USP13: variants seen among roughly 807,000 people sequenced by gnomAD.
USP13 encodes the protein ubiquitin carboxyl-terminal hydrolase 13.
USP13 carries 68 observed loss-of-function variants against 107.8 expected under a neutral mutation model. The observed-to-expected ratio is 0.63, with a 90% CI of 0.52 to 0.77. The LOEUF (loss-of-function observed/expected upper bound fraction) is 0.77. USP13 is among the 30% of genes least tolerant of loss of function. The probability of loss-of-function intolerance (pLI) is 0.00; values close to 1 mark genes in which losing one functional copy is unlikely to be tolerated. For synonymous variants in USP13, 377 were observed against 389.5 expected, an observed-to-expected ratio of 0.97 and a Z score of 0.38; for missense variants, 945 against 1,093.3, an observed-to-expected ratio of 0.86 and a Z score of 1.91.
At chr3:179,774,225 T>A (rs1053849589) in intron 19 of USP13, among the ~76,000 whole-genome samples, 56 of 152,272 alleles carry the variant, frequency 3.7e-4, no homozygotes, top group Middle Eastern at 6.8e-3. Flanking sequence ...ACTCACTTAT[T>A]ACCAGGAGAG....
intron 1 of USP13, among the ~76,000 whole-genome samples, chr3:179,663,951 G>T (rs1720519507): frequency 2.6e-5 from 4 of 152,194 alleles, no homozygotes; most frequent in Admixed American, 2.0e-4. Flanking sequence ...AGCTGAGTTA[G>T]ATATCTGTTT....
intron 1 of USP13, among the ~76,000 whole-genome samples, chr3:179,668,512 A>G (rs1720650954): frequency 6.6e-6 from 1 of 151,964 alleles, no homozygotes; most frequent in Admixed American, 6.6e-5. Flanking sequence ...TTTACTGGTG[A>G]CCTGTTTGGT....
In USP13 at chr3:179,653,930, A is replaced by T. The variant is rs1720172819; in HGVS notation, c.168+537A>T. ...TTCTTGTCTTTAGAATGTCAGGGCC[A>T]GGCGCGGTGGCTCACGTCTGAAATC... On this transcript the variant is annotated intron_variant, in intron 1 of 20. Transcript: ENST00000263966. The surrounding 1 kb of genome is among the most constrained non-coding windows in gnomAD (Gnocchi z 4.0). Among the ~76,000 whole-genome samples, 1 of 152,130 alleles carries T rather than the reference A, an allele frequency of 6.6e-6. No homozygotes were observed. The highest frequency in any genetic ancestry group is 1.5e-5 in the Non-Finnish European group (1 of 68,016).
intron 10 of USP13, among the ~76,000 whole-genome samples, chr3:179,735,909 G>A (rs182163106): frequency 2.1e-4 from 32 of 152,168 alleles, no homozygotes; most frequent in Non-Finnish European, 3.1e-4. Context: ...GCACAGTGGC[G>A]TGTGTCTGTA....
intron 13 of USP13, among the ~76,000 whole-genome samples, chr3:179,748,899 A>T (rs543125603): frequency 1.3e-5 from 2 of 152,196 alleles, no homozygotes; most frequent in Admixed American, 6.5e-5. Context: ...ACTGGGGATA[A>T]TAATGGTACT....
intron 8 of USP13, among the ~76,000 whole-genome samples, chr3:179,725,708 A>G (rs1332345103): frequency 2.0e-5 from 3 of 152,222 alleles, no homozygotes; most frequent in Non-Finnish European, 2.9e-5. Context: ...ACATAAATGT[A>G]TTCATTGAAC....
chr3:179,679,816 T>G (rs1711585325), intron 1 of USP13, among the ~76,000 whole-genome samples: 1 of 135,338 alleles, frequency 7.4e-6, no homozygotes, highest in South Asian at 2.4e-4. Context: ...TTTTTTTTTT[T>G]TTTTTGATAC....
intron 10 of USP13, among the ~76,000 whole-genome samples, chr3:179,734,804 A>G (rs1713930399): frequency 6.6e-6 from 1 of 152,258 alleles, no homozygotes; most frequent in Non-Finnish European, 1.5e-5. Flanking sequence ...TTTTAGGGAC[A>G]GGCAGACATG....
intron 14 of USP13, among the ~76,000 whole-genome samples, chr3:179,754,144 CT>C (rs912394891): frequency 2.2e-4 from 33 of 152,146 alleles, no homozygotes; most frequent in African/African-American, 7.7e-4. Flanking sequence ...AGCTAGCTAT[CT>C]TGGTCTTGCT....
chr3:179,756,956 G>C, intron 15 of USP13, 96 bp from the exon 16 acceptor site: 1 of 1,292,180 alleles, frequency 7.7e-7, no homozygotes, highest in South Asian at 1.2e-5. Context: ...GGAGTGGGGA[G>C]GGCATTGGAA....
rs150977876 is a variant in USP13, at chr3:179,655,548, G to GTTTT, written c.168+2160_168+2163dup. Reference sequence around the variant, plus strand: ...AAGCACAGTGCGTGATAATGGGAAGGTTTTTTTTGTTTTGTTTTGTTTTTT... The same window carrying GTTTT: ...AAGCACAGTGCGTGATAATGGGAAGGTTTTTTTTTTTTGTTTTGTTTTGTTTTTT... On this transcript the variant is annotated intron_variant, in intron 1 of 20. Transcript: ENST00000263966. 6.6e-3 allele frequency among the ~76,000 whole-genome samples: 859 copies of GTTTT among 130,828 alleles called. 62 individuals carry two copies. The highest frequency in any genetic ancestry group is 0.027 in the African/African-American group (804 of 29,406). 85.8% of individuals were successfully genotyped at this position (130,828 alleles called of 152,430 possible). A position where few individuals can be genotyped will look rare whatever the true frequency, so the allele number is the denominator to read the frequency against.
At chr3:179,783,733 T>C (rs1715824199) in intron 20 of USP13, among the ~76,000 whole-genome samples, 1 of 152,126 alleles carries the variant, frequency 6.6e-6, no homozygotes, top group African/African-American at 2.4e-5. Context: ...CTGGGTATGA[T>C]GGCATGTGCC....
At chr3:179,658,721 G>C (rs182334088) in intron 1 of USP13, among the ~76,000 whole-genome samples, 127 of 152,256 alleles carry the variant, frequency 8.3e-4, no homozygotes, top group African/African-American at 2.9e-3. Context: ...TTGAGATGGA[G>C]CTGGGGAGAG....
chr3:179,686,112 A>G (rs1576924711), intron 2 of USP13, among the ~76,000 whole-genome samples: 1 of 152,120 alleles, frequency 6.6e-6, no homozygotes, highest in South Asian at 2.1e-4. Context: ...TGCCCAGCAA[A>G]CCTTCTAGTC....
At position 179,730,076 on chromosome 3, in the gene USP13, A is replaced by G; in HGVS notation, c.1089-113A>G. ...TCATGAAAAACTTTTCTTCAGGTAGATTGTTTAGTTTGACAAAGGGGCAAG... is the reference window on the plus strand; with the variant it reads ...TCATGAAAAACTTTTCTTCAGGTAGGTTGTTTAGTTTGACAAAGGGGCAAG... On this transcript the variant is annotated intron_variant, in intron 8 of 20. Transcript: ENST00000263966. The G allele has an allele frequency of 4.3e-6, 4 of 940,436 alleles. No homozygotes were observed. The South Asian group carries it at 4.6e-5, about 11-fold the overall frequency. 58.3% of individuals were successfully genotyped at this position (940,436 alleles called of 1,614,324 possible). A position where few individuals can be genotyped will look rare whatever the true frequency, so the allele number is the denominator to read the frequency against.
intron 15 of USP13, among the ~76,000 whole-genome samples, chr3:179,756,126 C>G (rs1455012360): frequency 6.6e-6 from 1 of 152,158 alleles, no homozygotes; most frequent in Non-Finnish European, 1.5e-5. Context: ...ATACAGAGAT[C>G]TTAGAAATAC....
At chr3:179,750,326 G>GTGTGTGTATATATATATATATATATATA (rs1553797370) in intron 13 of USP13, among the ~76,000 whole-genome samples, 2 of 75,848 alleles carry the variant, frequency 2.6e-5, no homozygotes, top group East Asian at 7.7e-4. Flanking sequence ...ATATATGTGT[G>GTGTGTGTATATATATATATATATATATA]TATATATATA....
intron 6 of USP13, among the ~76,000 whole-genome samples, chr3:179,710,349 A>G (rs1385913850): frequency 1.3e-5 from 2 of 152,204 alleles, no homozygotes; most frequent in South Asian, 4.1e-4. Flanking sequence ...TTTGCAATGT[A>G]GGAATTCTGT....
intron 14 of USP13, among the ~76,000 whole-genome samples, chr3:179,753,939 G>A (rs1275292379): frequency 6.6e-6 from 1 of 152,122 alleles, no homozygotes; most frequent in Non-Finnish European, 1.5e-5. Flanking sequence ...AAAAAGTACT[G>A]TAAAGATAAT....
Sources: allele counts gnomAD v4.1 joint callset (sites outside exome capture counted in the v4.1 genomes callset), GRCh38; gene constraint gnomAD v4.1.1; non-coding constraint Gnocchi (gnomAD v3.1); transcripts MANE v1.5; gene names NCBI Gene and HGNC (gene_info 2026-07-23, HGNC 2026-07-21).